Variants in DNER observed in about 807,000 individuals in gnomAD.
DNER encodes the protein delta/notch like EGF repeat containing.
In DNER, 33 loss-of-function variants were observed where a neutral mutation model predicts 78.2. That is an observed-to-expected ratio of 0.42 (90% confidence interval 0.32 to 0.56). The LOEUF (loss-of-function observed/expected upper bound fraction) is 0.56. DNER is among the 20% of genes least tolerant of loss of function. The probability of loss-of-function intolerance (pLI) is 0.11; values close to 1 mark genes in which losing one functional copy is unlikely to be tolerated. For synonymous variants in DNER, 417 were observed against 384.8 expected, an observed-to-expected ratio of 1.08 and a Z score of -0.98; for missense variants, 918 against 975.3, an observed-to-expected ratio of 0.94 and a Z score of 0.78.
intron 7 of DNER, among the ~76,000 whole-genome samples, chr2:229,461,145 T>C (rs1269956951): frequency 1.3e-5 from 2 of 152,064 alleles, no homozygotes; most frequent in Non-Finnish European, 2.9e-5. Context: ...ATTCTAAAAA[T>C]AAACCAATAT....
At chr2:229,532,612 G>A (rs773496748) in intron 5 of DNER, among the ~76,000 whole-genome samples, 1 of 152,180 alleles carries the variant, frequency 6.6e-6, no homozygotes. Flanking sequence ...CAAGGAGAAG[G>A]TCCCAGGCCC....
chr2:229,525,106 T>A (rs1321408605), intron 5 of DNER, among the ~76,000 whole-genome samples: 1 of 152,242 alleles, frequency 6.6e-6, no homozygotes, highest in African/African-American at 2.4e-5. Context: ...GTGTGGTTCA[T>A]AATATCACAG....
intron 1 of DNER, among the ~76,000 whole-genome samples, chr2:229,700,071 T>TAA (rs939458433): frequency 6.9e-6 from 1 of 144,874 alleles, no homozygotes; most frequent in African/African-American, 2.5e-5. Flanking sequence ...GCAATTTCAT[T>TAA]AAAAAAAAAA....
At chr2:229,627,134 C>A (rs751646134) in intron 1 of DNER, among the ~76,000 whole-genome samples, 1 of 152,166 alleles carries the variant, frequency 6.6e-6, no homozygotes, top group Non-Finnish European at 1.5e-5. Context: ...CTTCTAGTCC[C>A]CTTCCAATTA....
At chr2:229,709,840 A>T (rs1487409238) in intron 1 of DNER, among the ~76,000 whole-genome samples, 1 of 152,212 alleles carries the variant, frequency 6.6e-6, no homozygotes, top group Non-Finnish European at 1.5e-5. Context: ...AATAAGCTTT[A>T]CAAACAAAGT....
chr2:229,413,603 G>A lies in DNER; in HGVS notation c.1609+4505C>T, dbSNP rs1451781878. On this transcript the variant is annotated intron_variant, in intron 9 of 12. Coordinates refer to ENST00000341772, the MANE Select transcript of DNER (RefSeq NM_139072.4). The stretch of plus-strand genomic sequence containing the variant: ...CCCAAAGTGCTAGGATTACAGGTGT[G>A]AGCCACCGCCCCCGGCCTTTTTTCC... Among the ~76,000 whole-genome samples, 5 of 151,464 alleles carry A rather than the reference G, an allele frequency of 3.3e-5. No individual in the cohort carries two copies. The East Asian group carries it at 9.7e-4, about 29-fold the overall frequency.
At chr2:229,637,252 G>A (rs571045938) in intron 1 of DNER, among the ~76,000 whole-genome samples, 1 of 152,272 alleles carries the variant, frequency 6.6e-6, no homozygotes, top group South Asian at 2.1e-4. Flanking sequence ...ATTGTTGAAT[G>A]GGGTATTTAA....
intron 11 of DNER, among the ~76,000 whole-genome samples, chr2:229,386,990 G>T (rs1692882048): frequency 6.6e-6 from 1 of 152,056 alleles, no homozygotes; most frequent in Non-Finnish European, 1.5e-5. Context: ...ATACCCAAAG[G>T]ATTATAAATC....
intron 7 of DNER, 123 bp from the exon 8 acceptor site, chr2:229,447,663 C>T (rs1235731421): frequency 9.3e-7 from 1 of 1,075,486 alleles, no homozygotes; most frequent in Non-Finnish European, 1.3e-6. Context: ...CCAGATATGT[C>T]ACAACCCAAC....
At chr2:229,529,792 G>A (rs570311201) in intron 5 of DNER, among the ~76,000 whole-genome samples, 5 of 152,144 alleles carry the variant, frequency 3.3e-5, no homozygotes, top group East Asian at 1.9e-4. Flanking sequence ...AGAATTCCTC[G>A]AGCCCAGAAG....
At chr2:229,425,002 G>A (rs1693842935) in intron 8 of DNER, among the ~76,000 whole-genome samples, 1 of 152,170 alleles carries the variant, frequency 6.6e-6, no homozygotes, top group Admixed American at 6.5e-5. Context: ...CTTTTTATAA[G>A]ATGAAAACAA....
chr2:229,424,733 A>C (rs994919420), intron 8 of DNER, among the ~76,000 whole-genome samples: 2 of 152,150 alleles, frequency 1.3e-5, no homozygotes, highest in African/African-American at 4.8e-5. Flanking sequence ...CAACATATGA[A>C]TTTGGGGTGG....
chr2:229,452,463 T>A (rs1160834969), intron 7 of DNER, among the ~76,000 whole-genome samples: 2 of 151,884 alleles, frequency 1.3e-5, no homozygotes, highest in South Asian at 2.1e-4. Context: ...ACTGGCAGGG[T>A]CTGTGGCAAA....
intron 1 of DNER, among the ~76,000 whole-genome samples, chr2:229,603,199 TA>T (rs1232435301): frequency 2.2e-4 from 34 of 152,054 alleles, no homozygotes; most frequent in Non-Finnish European, 4.4e-4. Flanking sequence ...AATTGAAAGG[TA>T]AAAAATTAAA....
chr2:229,573,157 A>G (rs904260318), intron 4 of DNER, among the ~76,000 whole-genome samples: 2 of 152,200 alleles, frequency 1.3e-5, no homozygotes, highest in African/African-American at 4.8e-5. Flanking sequence ...TATTTATTTA[A>G]GGAGATTATC....
chr2:229,684,800 G>A (rs1453341565), intron 1 of DNER, among the ~76,000 whole-genome samples: 1 of 152,146 alleles, frequency 6.6e-6, no homozygotes, highest in Non-Finnish European at 1.5e-5. Context: ...TTCATGATTA[G>A]CACCTATTTA....
At chr2:229,406,244 A>G (rs1215867458) in intron 10 of DNER, among the ~76,000 whole-genome samples, 1 of 152,144 alleles carries the variant, frequency 6.6e-6, no homozygotes, top group East Asian at 1.9e-4. Flanking sequence ...TCTCCAGTCA[A>G]TGATAACATA....
intron 5 of DNER, among the ~76,000 whole-genome samples, chr2:229,540,995 T>G (rs1476689235): frequency 1.3e-5 from 2 of 152,244 alleles, no homozygotes; most frequent in Non-Finnish European, 2.9e-5. Flanking sequence ...GGATTGTTAT[T>G]GAACCATTAT....
intron 6 of DNER, among the ~76,000 whole-genome samples, chr2:229,502,894 C>T (rs1313078265): frequency 1.3e-5 from 2 of 152,164 alleles, no homozygotes; most frequent in Non-Finnish European, 1.5e-5. Context: ...GGGTGTCCCC[C>T]TTAGATATTT....
Sources: gnomAD v4.1 joint callset for allele counts (sites outside exome capture counted in the v4.1 genomes callset) on GRCh38, gnomAD v4.1.1 for gene constraint, MANE v1.5 for transcripts, NCBI Gene and HGNC (gene_info 2026-07-23, HGNC 2026-07-21) for gene names.